LOC400499: variants seen among roughly 807,000 people sequenced by gnomAD.
At chr16:11,518,674 C>T in the LOC400499 span, among the ~76,000 whole-genome samples, 22 of 152,218 alleles carry the variant, frequency 1.4e-4, no homozygotes. Flanking sequence ...ATGAAGGCAG[C>T]CCCCCAGCGG....
At chr16:11,418,843 C>A in the LOC400499 span, among the ~76,000 whole-genome samples, 7 of 152,180 alleles carry the variant, frequency 4.6e-5, no homozygotes, top group African/African-American at 1.7e-4. Context: ...GTAATTCCCT[C>A]CCATGCCACC....
the LOC400499 span, among the ~76,000 whole-genome samples, chr16:11,479,463 T>G: frequency 7.1e-6 from 1 of 141,328 alleles, no homozygotes; most frequent in Non-Finnish European, 1.6e-5. Context: ...ATTAAAAAAT[T>G]AAAAAAAAAA....
chr16:11,393,629 C>G, the LOC400499 span: 23 of 1,202,902 alleles, frequency 1.9e-5, no homozygotes, highest in African/African-American at 1.9e-4. Context: ...CCTGCCCGCC[C>G]CAGGCTCAGG....
At chr16:11,391,377 C>T in the LOC400499 span, among the ~76,000 whole-genome samples, 26 of 144,746 alleles carry the variant, frequency 1.8e-4, no homozygotes, top group African/African-American at 6.7e-4. Context: ...AGGCTGTATA[C>T]TCAAAAGAAA....
chr16:11,390,063 T>TGGCA, the LOC400499 span: 1 of 1,189,968 alleles, frequency 8.4e-7, no homozygotes, highest in Non-Finnish European at 1.1e-6. Flanking sequence ...ACCTGGTATG[T>TGGCA]GGCAGGCACG....
chr16:11,502,893 C>T, the LOC400499 span, among the ~76,000 whole-genome samples: 2 of 149,896 alleles, frequency 1.3e-5, 1 homozygote, highest in South Asian at 4.2e-4. Flanking sequence ...GGATTATAGG[C>T]ATGAGCCACC....
chr16:11,503,408 T>C, the LOC400499 span, among the ~76,000 whole-genome samples: 1 of 152,110 alleles, frequency 6.6e-6, no homozygotes, highest in East Asian at 1.9e-4. Flanking sequence ...AGTCTCAGGC[T>C]CACTGCATTG....
At chr16:11,503,574 G>A in the LOC400499 span, among the ~76,000 whole-genome samples, 2 of 152,190 alleles carry the variant, frequency 1.3e-5, no homozygotes, top group East Asian at 1.9e-4. Context: ...GCTGGGACCT[G>A]CTTCCCTGAC....
the LOC400499 span, among the ~76,000 whole-genome samples, chr16:11,508,084 T>C: frequency 1.9e-4 from 29 of 152,338 alleles, no homozygotes; most frequent in Non-Finnish European, 3.5e-4. Flanking sequence ...TTCTAGATTA[T>C]CTGGATGAGT....
chr16:11,524,940 C>G, the LOC400499 span, among the ~76,000 whole-genome samples: 1 of 152,214 alleles, frequency 6.6e-6, no homozygotes, highest in Non-Finnish European at 1.5e-5. Flanking sequence ...AACCACCCCG[C>G]TGCACCTCGA....
chr16:11,460,542 C>G, the LOC400499 span: 1 of 1,535,538 alleles, frequency 6.5e-7, no homozygotes. Flanking sequence ...CTGTAGGCAC[C>G]GTCTGAGCCA....
At chr16:11,410,372 T>G in the LOC400499 span, among the ~76,000 whole-genome samples, 20 of 152,154 alleles carry the variant, frequency 1.3e-4, no homozygotes, top group African/African-American at 4.8e-4. Flanking sequence ...GAGAATCGCT[T>G]GAACCGGGGA....
the LOC400499 span, chr16:11,383,916 G>T: frequency 8.1e-7 from 1 of 1,231,966 alleles, no homozygotes; most frequent in Non-Finnish European, 1.0e-6. Flanking sequence ...AGCTGGAGTG[G>T]GGGCCCTCGA....
the LOC400499 span, chr16:11,475,737 T>G: frequency 7.5e-6 from 3 of 398,658 alleles, no homozygotes; most frequent in Non-Finnish European, 1.3e-5. Flanking sequence ...AAGAGGACAG[T>G]GTCAGACGCA....
chr16:11,511,966 T>C, the LOC400499 span, among the ~76,000 whole-genome samples: 2 of 151,972 alleles, frequency 1.3e-5, no homozygotes, highest in Admixed American at 1.3e-4. Flanking sequence ...ACCATTGCAT[T>C]CCAGCCTGGG....
chr16:11,508,667 G>A, the LOC400499 span: 1 of 398,888 alleles, frequency 2.5e-6, no homozygotes, highest in Non-Finnish European at 4.4e-6. Flanking sequence ...GTGTCCTAGG[G>A]ACTCAGGGCC....
the LOC400499 span, chr16:11,385,055 A>G: frequency 8.9e-6 from 11 of 1,232,172 alleles, no homozygotes; most frequent in Non-Finnish European, 1.1e-5. Flanking sequence ...GGAGTTGTAC[A>G]GCCTGTAGGC....
At chr16:11,387,503 G>A in the LOC400499 span, among the ~76,000 whole-genome samples, 4 of 152,318 alleles carry the variant, frequency 2.6e-5, no homozygotes, top group South Asian at 4.1e-4. Context: ...GGTAGATGAT[G>A]GCTGGGGACA....
chr16:11,383,226 C>T, the LOC400499 span, among the ~76,000 whole-genome samples: 22 of 151,788 alleles, frequency 1.4e-4, no homozygotes, highest in South Asian at 4.1e-4. Flanking sequence ...CAACCATGCC[C>T]GGCTAATTTT....
Sources: gnomAD v4.1 joint callset for allele counts (sites outside exome capture counted in the v4.1 genomes callset) on GRCh38, gnomAD v4.1.1 for gene constraint, MANE v1.5 for transcripts.